Variants in RASGRP1 observed in about 807,000 individuals in gnomAD.
RASGRP1 encodes RAS guanyl releasing protein 1, also known as RAS guanyl-releasing protein 1.
In RASGRP1, 37 loss-of-function variants were observed where a neutral mutation model predicts 95.1. The observed-to-expected ratio is 0.39, with a 90% CI of 0.30 to 0.51. RASGRP1 has a LOEUF of 0.51. Among genes scored for constraint, RASGRP1 ranks in the 20% least tolerant of loss-of-function variants. The pLI is 0.80. For synonymous variants in RASGRP1, 325 were observed against 353.4 expected (o/e 0.92, Z 0.90); for missense variants, 711 against 965.4 (o/e 0.74, Z 3.49).
intron 16 of RASGRP1, among the ~76,000 whole-genome samples, chr15:38,491,125 T>C (rs747785241): frequency 1.6e-4 from 24 of 152,216 alleles, no homozygotes; most frequent in Non-Finnish European, 3.4e-4. Flanking sequence ...ATTTAACTTT[T>C]TGATGATGTT....
At chr15:38,508,993 C>T (rs1891381027) in intron 8 of RASGRP1, among the ~76,000 whole-genome samples, 1 of 152,320 alleles carries the variant, frequency 6.6e-6, no homozygotes, top group East Asian at 1.9e-4. Context: ...GAACACATTT[C>T]TGTTCATGTT....
chr15:38,493,644 T>C (rs1391013511), intron 16 of RASGRP1, among the ~76,000 whole-genome samples: 2 of 152,232 alleles, frequency 1.3e-5, no homozygotes, highest in Non-Finnish European at 2.9e-5. Context: ...GCTCCTCTTG[T>C]CATGATTGTT....
At chr15:38,535,923 A>G (rs1291076731) in intron 2 of RASGRP1, among the ~76,000 whole-genome samples, 2 of 152,154 alleles carry the variant, frequency 1.3e-5, no homozygotes, top group African/African-American at 2.4e-5. Context: ...CAGTTCTGGA[A>G]ATTGGACACA....
intron 2 of RASGRP1, among the ~76,000 whole-genome samples, chr15:38,529,440 A>G (rs1892355831): frequency 6.6e-6 from 1 of 151,994 alleles, no homozygotes. Flanking sequence ...TGCATTTGCT[A>G]TTTTCTTCAA....
intron 13 of RASGRP1, among the ~76,000 whole-genome samples, chr15:38,500,584 G>C (rs1890975414): frequency 6.6e-6 from 1 of 151,934 alleles, no homozygotes; most frequent in Non-Finnish European, 1.5e-5. Context: ...GGCCTCAAGT[G>C]ATCTGCCTGC....
chr15:38,527,089 C>T (rs539474137), intron 2 of RASGRP1, among the ~76,000 whole-genome samples: 2 of 152,334 alleles, frequency 1.3e-5, no homozygotes, highest in African/African-American at 4.8e-5. Context: ...TAATAAGATG[C>T]ATTTATACAC....
At chr15:38,546,565 G>A (rs146480416) in intron 2 of RASGRP1, among the ~76,000 whole-genome samples, 308 of 152,200 alleles carry the variant, frequency 2.0e-3, no homozygotes, top group African/African-American at 7.1e-3. Flanking sequence ...CTTACTTCAC[G>A]ACAATCCAGG....
intron 2 of RASGRP1, among the ~76,000 whole-genome samples, chr15:38,542,747 A>T (rs188932405): frequency 2.0e-4 from 31 of 151,438 alleles, no homozygotes; most frequent in Non-Finnish European, 3.7e-4. Context: ...GAGGGTCCCA[A>T]TAATGGCAAT....
chr15:38,494,478 C>A lies in RASGRP1; in HGVS notation c.2163G>T (p.Lys721Asn), dbSNP rs1188721687. The A allele has an allele frequency of 1.4e-5, 22 of 1,610,146 alleles. No homozygotes were observed. Among genetic ancestry groups the A allele is most frequent in the Non-Finnish European group, 1.9e-5 (22 of 1,178,164 alleles). The change falls in exon 16 of 17, where the codon AAG (lysine) becomes AAT (asparagine). Residue 721 changes from lysine to asparagine, a missense_variant. Around this residue, in one of 3 missense-constraint regions of RASGRP1, gnomAD observed 212 missense variants for 247.8 expected, o/e 0.86. Coordinates refer to ENST00000310803, the MANE Select transcript of RASGRP1 (RefSeq NM_005739.4). ...SPCPSPVLVR[K>N]RAFVKWENKD... ...TATTCTCCCACTTGACAAAAGCCCG[C>A]TTTCTGACCAAGACTGGGCTAGGAC... is the stretch of plus-strand genomic sequence containing the variant.
intron 2 of RASGRP1, among the ~76,000 whole-genome samples, chr15:38,557,526 T>C (rs889377230): frequency 2.0e-5 from 3 of 152,102 alleles, no homozygotes; most frequent in Non-Finnish European, 2.9e-5. Flanking sequence ...GTGCACTTAC[T>C]CAAACTCTAC....
chr15:38,494,826 T>G (rs922584168), intron 15 of RASGRP1, 59 bp from the exon 16 acceptor site: 8 of 1,292,030 alleles, frequency 6.2e-6, no homozygotes, highest in Admixed American at 2.9e-5. Context: ...GACTCAAGAC[T>G]GAGACATTAG....
intron 6 of RASGRP1, among the ~76,000 whole-genome samples, chr15:38,515,466 T>C (rs973437506): frequency 1.3e-5 from 2 of 152,210 alleles, no homozygotes; most frequent in African/African-American, 2.4e-5. Context: ...TTCTCTTGCA[T>C]AGAACTAATA....
At chr15:38,509,184 TA>T (rs1032424216) in intron 8 of RASGRP1, among the ~76,000 whole-genome samples, 18 of 152,276 alleles carry the variant, frequency 1.2e-4, no homozygotes, top group African/African-American at 4.1e-4. Flanking sequence ...CCTTATTAAG[TA>T]AAGAACTTAG....
intron 8 of RASGRP1, among the ~76,000 whole-genome samples, chr15:38,510,531 T>C (rs1008664951): frequency 1.1e-4 from 16 of 152,222 alleles, no homozygotes; most frequent in South Asian, 2.1e-4. Flanking sequence ...AGAGAGTTCC[T>C]CTCCATGCTA....
intron 8 of RASGRP1, among the ~76,000 whole-genome samples, chr15:38,511,230 A>G (rs958880708): frequency 2.0e-5 from 3 of 152,178 alleles, no homozygotes; most frequent in Non-Finnish European, 2.9e-5. Context: ...AAACTGACCT[A>G]TGGTCAACCG....
chr15:38,518,197 A>C, intron 5 of RASGRP1, 95 bp downstream of exon 5: 1 of 1,189,654 alleles, frequency 8.4e-7, no homozygotes. Flanking sequence ...AGAGAGCAGC[A>C]GTCACCGCTG....
rs562025605 is a variant in RASGRP1, at chr15:38,490,009, T to A, written c.*545A>T. The A allele has an allele frequency of 1.2e-4, 18 of 152,638 alleles. No homozygotes were observed. The highest frequency in any genetic ancestry group is 4.1e-4 in the African/African-American group (17 of 41,546). 9.5% of individuals were successfully genotyped at this position (152,638 alleles called of 1,614,324 possible). On this transcript the variant is annotated 3_prime_UTR_variant, in exon 17 of 17. Coordinates refer to ENST00000310803, the MANE Select transcript of RASGRP1 (RefSeq NM_005739.4). Reference sequence around the variant, plus strand: ...TCTAGGTAGATATGCTCATGTGTTATGACTGTAGTGAGGAAGGAGGGTACA... The same window carrying A: ...TCTAGGTAGATATGCTCATGTGTTAAGACTGTAGTGAGGAAGGAGGGTACA...
At chr15:38,533,691 C>T (rs966180865) in intron 2 of RASGRP1, among the ~76,000 whole-genome samples, 3 of 152,174 alleles carry the variant, frequency 2.0e-5, no homozygotes, top group Non-Finnish European at 4.4e-5. Flanking sequence ...CCCCTCAAGA[C>T]TCAGGGGAGG....
chr15:38,505,586 T>G (rs1891219520), intron 10 of RASGRP1, among the ~76,000 whole-genome samples: 2 of 151,610 alleles, frequency 1.3e-5, no homozygotes, highest in Admixed American at 6.6e-5. Flanking sequence ...ATATAGTTAT[T>G]TACTGTTCAC....
Sources: gnomAD v4.1 joint callset for allele counts (sites outside exome capture counted in the v4.1 genomes callset) on GRCh38, gnomAD v4.1.1 for gene constraint, gnomAD v4.1.1 regional missense constraint, MANE v1.5 for transcripts, NCBI Gene and HGNC (gene_info 2026-07-23, HGNC 2026-07-21) for gene names.